Variants in MACROD2 observed in about 807,000 individuals in gnomAD.
The protein encoded by MACROD2 is ADP-ribose glycohydrolase MACROD2.
MACROD2 carries 36 observed loss-of-function variants against 70.4 expected under a neutral mutation model. That is an observed-to-expected ratio of 0.51 (90% confidence interval 0.39 to 0.68). MACROD2 has a LOEUF of 0.68. MACROD2 is among the 30% of genes least tolerant of loss of function. The pLI is 0.00. For missense variants in MACROD2, 496 were observed against 538.4 expected, an observed-to-expected ratio of 0.92 and a Z score of 0.78; for synonymous variants, 172 against 178.8, an observed-to-expected ratio of 0.96 and a Z score of 0.30.
At chr20:14,600,148 A>G (rs752946857) in intron 4 of MACROD2, among the ~76,000 whole-genome samples, 1 of 152,036 alleles carries the variant, frequency 6.6e-6, no homozygotes, top group South Asian at 2.1e-4. Context: ...CATCAATGCA[A>G]TGCACACAAA....
intron 15 of MACROD2, among the ~76,000 whole-genome samples, chr20:16,035,077 TA>T (rs2067206223): frequency 1.9e-5 from 1 of 52,908 alleles, no homozygotes; most frequent in Non-Finnish European, 5.5e-5. Flanking sequence ...ATATAAAATA[TA>T]ATATGTAATA....
At chr20:14,277,050 T>C (rs1422241027) in intron 3 of MACROD2, among the ~76,000 whole-genome samples, 2 of 152,132 alleles carry the variant, frequency 1.3e-5, no homozygotes, top group African/African-American at 4.8e-5. Context: ...GCTTGGTAGC[T>C]CACGCCTGTA....
chr20:14,918,098 C>T (rs534865593), intron 5 of MACROD2, among the ~76,000 whole-genome samples: 20 of 152,114 alleles, frequency 1.3e-4, no homozygotes, highest in South Asian at 1.0e-3. Context: ...CTCAGCCTCA[C>T]GAGTAGGTGG....
intron 4 of MACROD2, among the ~76,000 whole-genome samples, chr20:14,515,004 C>CTAA (rs2085075541): frequency 6.6e-6 from 1 of 151,778 alleles, no homozygotes; most frequent in African/African-American, 2.4e-5. Flanking sequence ...TAAATTAGAG[C>CTAA]TAATAGAGGA....
intron 3 of MACROD2, among the ~76,000 whole-genome samples, chr20:14,205,617 C>T (rs1016514063): frequency 2.6e-5 from 4 of 152,160 alleles, no homozygotes; most frequent in African/African-American, 9.7e-5. Flanking sequence ...TTTTTTACTG[C>T]AGGCATATTT....
chr20:14,989,125 A>G (rs2074877095), intron 5 of MACROD2, among the ~76,000 whole-genome samples: 1 of 152,198 alleles, frequency 6.6e-6, no homozygotes, highest in Non-Finnish European at 1.5e-5. Context: ...ATATAGCGAC[A>G]TATAGAATTT....
At chr20:14,168,100 T>C (rs1040400622) in intron 3 of MACROD2, among the ~76,000 whole-genome samples, 2 of 152,182 alleles carry the variant, frequency 1.3e-5, no homozygotes, top group African/African-American at 4.8e-5. Flanking sequence ...GCTTATACAA[T>C]AGATGATTCA....
chr20:14,838,698 C>T (rs192672523), intron 5 of MACROD2, among the ~76,000 whole-genome samples: 59 of 152,230 alleles, frequency 3.9e-4, no homozygotes, highest in Middle Eastern at 3.4e-3. Flanking sequence ...AGAGCTTAAA[C>T]ATGATACACT....
chr20:14,943,433 T>C (rs1012068353), intron 5 of MACROD2, among the ~76,000 whole-genome samples: 5 of 152,156 alleles, frequency 3.3e-5, no homozygotes, highest in African/African-American at 9.7e-5. Context: ...GCTTTTTAAT[T>C]TTTTAAAATT....
At chr20:14,457,114 CATT>C (rs1390936550) in intron 3 of MACROD2, among the ~76,000 whole-genome samples, 1 of 143,390 alleles carries the variant, frequency 7.0e-6, no homozygotes, top group Non-Finnish European at 1.6e-5. Context: ...TTAAAGGTAT[CATT>C]ATAGCATCAG....
intron 11 of MACROD2, among the ~76,000 whole-genome samples, chr20:15,935,154 T>C (rs2065640046): frequency 2.6e-5 from 4 of 152,130 alleles, no homozygotes. Context: ...TGAGAACAAG[T>C]AGTTTGTAGA....
At chr20:14,788,763 G>GTTTTTT (rs1195877119) in intron 5 of MACROD2, among the ~76,000 whole-genome samples, 8 of 79,476 alleles carry the variant, frequency 1.0e-4, no homozygotes, top group Admixed American at 1.8e-4. Flanking sequence ...TAGTGGTGGT[G>GTTTTTT]TTTTTTTTTT....
chr20:14,229,657 T>TA (rs1301840658), intron 3 of MACROD2, among the ~76,000 whole-genome samples: 1 of 152,234 alleles, frequency 6.6e-6, no homozygotes, highest in Non-Finnish European at 1.5e-5. Context: ...GGTAGGTTCT[T>TA]ACAAAGCTAA....
intron 5 of MACROD2, among the ~76,000 whole-genome samples, chr20:15,179,905 A>G (rs2076488575): frequency 6.6e-6 from 1 of 152,174 alleles, no homozygotes; most frequent in East Asian, 1.9e-4. Context: ...GGCTTAAACA[A>G]TAGGAATTTA....
chr20:15,424,943 A>G (rs1355820872), intron 6 of MACROD2, among the ~76,000 whole-genome samples: 2 of 152,160 alleles, frequency 1.3e-5, no homozygotes, highest in African/African-American at 4.8e-5. Context: ...ACTTTCAGCT[A>G]ACCAACCAAT....
intron 8 of MACROD2, among the ~76,000 whole-genome samples, chr20:15,678,931 G>T (rs1396826497): frequency 2.0e-5 from 3 of 152,166 alleles, no homozygotes; most frequent in Non-Finnish European, 4.4e-5. Flanking sequence ...GTCATTGAAT[G>T]TGGAGTTGAA....
At chr20:15,096,791 C>T (rs977319317) in intron 5 of MACROD2, among the ~76,000 whole-genome samples, 8 of 144,384 alleles carry the variant, frequency 5.5e-5, no homozygotes, top group Non-Finnish European at 3.0e-5. Flanking sequence ...GGATTATAGG[C>T]GTGAGCCACT....
intron 4 of MACROD2, among the ~76,000 whole-genome samples, chr20:14,666,511 A>C (rs369517941): frequency 6.6e-6 from 1 of 152,090 alleles, no homozygotes; most frequent in Admixed American, 6.6e-5. Context: ...TCATTGTAGA[A>C]TATTTTTAAC....
At chr20:15,407,317 G>A (rs541864578) in intron 6 of MACROD2, among the ~76,000 whole-genome samples, 1 of 152,280 alleles carries the variant, frequency 6.6e-6, no homozygotes, top group South Asian at 2.1e-4. Flanking sequence ...CAATGGAAAA[G>A]TTGTGTTCTA....
Sources: allele counts gnomAD v4.1 joint callset (sites outside exome capture counted in the v4.1 genomes callset), GRCh38; gene constraint gnomAD v4.1.1; transcripts MANE v1.5; gene names NCBI Gene and HGNC (gene_info 2026-07-23, HGNC 2026-07-21).